Variants in TSGA10 observed in about 807,000 individuals in gnomAD.
TSGA10 encodes the protein testis-specific gene 10 protein.
TSGA10 carries 43 observed loss-of-function variants against 96.6 expected under a neutral mutation model. That is an observed-to-expected ratio of 0.44 (90% CI 0.35 to 0.57). The LOEUF (loss-of-function observed/expected upper bound fraction) is 0.57, where lower values mean the gene tolerates loss of function less well. TSGA10 is among the 20% of genes least tolerant of loss of function. The probability of loss-of-function intolerance (pLI) is 0.01; values close to 1 mark genes in which losing one functional copy is unlikely to be tolerated. For synonymous variants in TSGA10, 229 were observed against 269.9 expected (o/e 0.85, Z 1.48); for missense variants, 703 against 834.4 (o/e 0.84, Z 1.94).
chr2:99,117,795 T>A, intron 3 of TSGA10, 36 bp from the exon 4 acceptor site: 1 of 953,748 alleles, frequency 1.0e-6, no homozygotes, highest in Non-Finnish European at 1.2e-6. Flanking sequence ...ATTAAAATAA[T>A]TCCTTAGCTT....
chr2:99,133,640 G>A (rs576946079), intron 1 of TSGA10, among the ~76,000 whole-genome samples: 20 of 152,246 alleles, frequency 1.3e-4, no homozygotes, highest in Non-Finnish European at 2.2e-4. Context: ...GATGCCAGCT[G>A]GTTATTTTGC....
intron 1 of TSGA10, chr2:99,147,533 T>C (rs1466834340): frequency 1.3e-6 from 2 of 1,575,302 alleles, no homozygotes; most frequent in East Asian, 2.2e-5. Context: ...TTATACTTGG[T>C]TCCTCCTCAG....
At chr2:99,110,770 A>T in intron 5 of TSGA10, 80 bp downstream of exon 5, 1 of 291,132 alleles carries the variant, frequency 3.4e-6, no homozygotes. Context: ...AACGTGTGAG[A>T]GCCAAAGATA....
chr2:99,150,558 A>C, intron 1 of TSGA10: 1 of 1,613,196 alleles, frequency 6.2e-7, no homozygotes, highest in Non-Finnish European at 8.5e-7. Context: ...CAGCTATCCT[A>C]ATGGGATTTT....
chr2:99,107,200 A>G (rs2091432723), intron 7 of TSGA10, among the ~76,000 whole-genome samples: 1 of 152,136 alleles, frequency 6.6e-6, no homozygotes, highest in African/African-American at 2.4e-5. Flanking sequence ...ATCTTCCTTC[A>G]CAGGGTCTTT....
chr2:99,137,437 A>C (rs1433269939), intron 1 of TSGA10, among the ~76,000 whole-genome samples: 1 of 152,250 alleles, frequency 6.6e-6, no homozygotes, highest in Non-Finnish European at 1.5e-5. Flanking sequence ...AGGGAGTACT[A>C]GATCTTGTAA....
intron 17 of TSGA10, among the ~76,000 whole-genome samples, chr2:99,031,982 A>C (rs1315314201): frequency 6.6e-6 from 1 of 152,176 alleles, no homozygotes; most frequent in Non-Finnish European, 1.5e-5. Flanking sequence ...GACCTTAATA[A>C]ATCAATTGCT....
chr2:99,149,042 G>A (rs1218036786), intron 1 of TSGA10, among the ~76,000 whole-genome samples: 2 of 151,936 alleles, frequency 1.3e-5, no homozygotes, highest in Non-Finnish European at 2.9e-5. Flanking sequence ...CTGGTGGCGG[G>A]CACCTGTAAT....
intron 15 of TSGA10, among the ~76,000 whole-genome samples, chr2:99,066,000 T>C (rs191634138): frequency 6.6e-6 from 1 of 152,196 alleles, no homozygotes; most frequent in Non-Finnish European, 1.5e-5. Context: ...TTCTAAAAAA[T>C]TAGTTGTAAT....
intron 1 of TSGA10, among the ~76,000 whole-genome samples, chr2:99,127,691 C>T (rs535621769): frequency 1.6e-5 from 2 of 126,528 alleles, no homozygotes; most frequent in African/African-American, 5.4e-5. Flanking sequence ...CAATCTCAAC[C>T]TTTAGTGACA....
intron 16 of TSGA10, among the ~76,000 whole-genome samples, chr2:99,040,186 G>T (rs2082054255): frequency 6.6e-6 from 1 of 152,044 alleles, no homozygotes; most frequent in Non-Finnish European, 1.5e-5. Context: ...AAAGTTGAAA[G>T]CATTCCCCCT....
intron 1 of TSGA10, among the ~76,000 whole-genome samples, chr2:99,136,688 A>G (rs1259375299): frequency 1.5e-5 from 1 of 64,630 alleles, no homozygotes; most frequent in Admixed American, 1.7e-4. Context: ...AGTCCCAGCT[A>G]CTCGGGAGGC....
chr2:99,017,222 T>C (rs2079585288), intron 20 of TSGA10, among the ~76,000 whole-genome samples: 1 of 152,184 alleles, frequency 6.6e-6, no homozygotes, highest in Non-Finnish European at 1.5e-5. Context: ...TGTAGCAGCA[T>C]AATTTGCAAT....
intron 12 of TSGA10, among the ~76,000 whole-genome samples, chr2:99,078,233 T>C (rs2086980383): frequency 7.2e-6 from 1 of 138,566 alleles, no homozygotes; most frequent in South Asian, 2.3e-4. Context: ...ATCGCGCTAC[T>C]GCACTCCAGC....
At chr2:99,103,572 C>T (rs1332779634) in intron 10 of TSGA10, among the ~76,000 whole-genome samples, 1 of 152,150 alleles carries the variant, frequency 6.6e-6, no homozygotes, top group Non-Finnish European at 1.5e-5. Flanking sequence ...TCTAAATCAC[C>T]CTTTTTCTAA....
rs1370450980 is a variant in TSGA10 at position 99,117,817 on chromosome 2, G to A, written c.-355-58C>T. The A allele has an allele frequency of 5.9e-6, 5 of 850,942 alleles. No homozygotes were observed. The South Asian group carries it at 2.2e-4, about 37-fold the overall frequency. The allele number at this position is 850,942 out of a possible 1,614,324, so 52.7% of individuals were successfully genotyped here. On this transcript the variant is annotated intron_variant, in intron 3 of 20. Transcript: ENST00000393483. ...TAATTCCTTAGCTTTTTTCTGGGGA[G>A]CAGCTGTGTGACTGGAATCAGGAAG...
rs1384118695 is a variant in TSGA10, at chr2:99,069,008, A to T, written c.1108-10T>A. ...ATTTTTTGGACAGTGCCTACGAAAA[A>T]AAGATAGGTATATTTGACTATGAAA... is the stretch of plus-strand genomic sequence containing the variant. On this transcript the variant is annotated splice_polypyrimidine_tract_variant and intron_variant, in intron 14 of 20. Transcript: ENST00000393483. 7.2e-6 allele frequency: 10 copies of T among 1,380,286 alleles called. No individual in the cohort carries two copies. Among genetic ancestry groups the T allele is most frequent in the Non-Finnish European group, 9.6e-6 (10 of 1,039,436 alleles). The allele number at this position is 1,380,286 out of a possible 1,614,324, so 85.5% of individuals were successfully genotyped here. A position where few individuals can be genotyped will look rare whatever the true frequency, so the allele number is the denominator to read the frequency against.
chr2:99,133,794 C>G (rs894528076), intron 1 of TSGA10, among the ~76,000 whole-genome samples: 33 of 152,182 alleles, frequency 2.2e-4, no homozygotes, highest in Middle Eastern at 3.2e-3. Flanking sequence ...GACAAAATAT[C>G]TCAGCATTTG....
intron 1 of TSGA10, chr2:99,150,418 A>T: frequency 1.1e-6 from 1 of 908,008 alleles, no homozygotes. Flanking sequence ...CATTCAAACA[A>T]ACATTGCCAT....
Sources: allele counts gnomAD v4.1 joint callset (sites outside exome capture counted in the v4.1 genomes callset), GRCh38; gene constraint gnomAD v4.1.1; transcripts MANE v1.5; gene names NCBI Gene and HGNC (gene_info 2026-07-23, HGNC 2026-07-21).